CRIM1: variants seen among roughly 807,000 people sequenced by gnomAD.
CRIM1 encodes the protein cysteine-rich motor neuron 1 protein.
CRIM1 carries 32 observed loss-of-function variants against 116.4 expected under a neutral mutation model. The ratio of observed to expected loss-of-function variants is 0.27; its 90% CI spans 0.21 to 0.37. The LOEUF (loss-of-function observed/expected upper bound fraction) is 0.37. Ranked by LOEUF, CRIM1 falls within the 10% of genes least tolerant of loss-of-function variation. The probability of loss-of-function intolerance (pLI) is 1.00; values close to 1 mark genes in which losing one functional copy is unlikely to be tolerated. For missense variants in CRIM1, 1,331 were observed against 1,354.8 expected (o/e 0.98, Z 0.28); for synonymous variants, 590 against 509.2 (o/e 1.16, Z -2.13).
rs553653504 is a variant in CRIM1 at position 36,360,211 on chromosome 2, CCT to C, written c.331+3593_331+3594del. 3.9e-4 allele frequency among the ~76,000 whole-genome samples: 59 copies of C among 152,272 alleles called. 1 individual carries two copies. Among genetic ancestry groups the C allele is most frequent in the African/African-American group, 1.4e-3 (57 of 41,564 alleles). ...AGGCAAGGTGAGAGAGCATGACCAG[CCT>C]CTCTGGGCAGTTAAAGGGCAGATGG... On this transcript the variant is annotated intron_variant, in intron 1 of 16. Transcript: ENST00000280527.
chr2:36,427,920 T>C (rs848505), intron 2 of CRIM1, among the ~76,000 whole-genome samples: 39,624 of 152,188 alleles, frequency 0.26, 5,338 homozygotes, highest in Admixed American at 0.32. Context: ...ACCTGGCTGG[T>C]GGACAGCACT....
intron 2 of CRIM1, among the ~76,000 whole-genome samples, chr2:36,407,080 C>G (rs1427392407): frequency 6.6e-6 from 1 of 152,130 alleles, no homozygotes; most frequent in Non-Finnish European, 1.5e-5. Flanking sequence ...CTGATTTTTC[C>G]TTTAGCTTCC....
intron 4 of CRIM1, among the ~76,000 whole-genome samples, chr2:36,461,730 T>C (rs1677594899): frequency 6.6e-6 from 1 of 152,196 alleles, no homozygotes; most frequent in African/African-American, 2.4e-5. Context: ...GGGGTCCCCT[T>C]TTGTTACCTG....
Position 36,476,868 on chromosome 2 carries a change from GTTTGT to G in CRIM1, c.992-17_992-13del. Reference sequence around the variant, plus strand: ...TAAAAAATGACTACAAATATGCCTTGTTTGTTTTAACTCTTTTCAGATACAAAGCC... The same window carrying G: ...TAAAAAATGACTACAAATATGCCTTGTTTAACTCTTTTCAGATACAAAGCC... On this transcript the variant is annotated splice_polypyrimidine_tract_variant and intron_variant, in intron 5 of 16. Transcript: ENST00000280527. 1 of 1,587,778 alleles carries G rather than the reference GTTTGT, an allele frequency of 6.3e-7. No homozygotes were observed. Among genetic ancestry groups the G allele is most frequent in the Non-Finnish European group, 8.6e-7 (1 of 1,164,622 alleles).
chr2:36,430,934 A>G (rs1674839225), intron 2 of CRIM1, among the ~76,000 whole-genome samples: 1 of 152,246 alleles, frequency 6.6e-6, no homozygotes, highest in Non-Finnish European at 1.5e-5. Context: ...AACAGTCTCC[A>G]GGAGAAATTA....
chr2:36,527,364 T>C (rs1256050506), intron 13 of CRIM1, among the ~76,000 whole-genome samples: 2 of 149,408 alleles, frequency 1.3e-5, no homozygotes, highest in Non-Finnish European at 2.9e-5. Flanking sequence ...TTACAGGTTG[T>C]ATTAATACCT....
Position 36,550,278 on chromosome 2 carries a change from G to A in CRIM1, c.*1577G>A, listed in dbSNP as rs1281910470. ...CAAACAATGGTTTGAAACAACTACT[G>A]GAATATTGTCCACAATAAGCTGGAA... On this transcript the variant is annotated 3_prime_UTR_variant, in exon 17 of 17. Coordinates refer to ENST00000280527, the MANE Select transcript of CRIM1 (RefSeq NM_016441.3). 6.7e-6 allele frequency: 1 copy of A among 148,712 alleles called. No homozygotes were observed. Among genetic ancestry groups the A allele is most frequent in the Non-Finnish European group, 1.5e-5 (1 of 67,408 alleles). 9.2% of individuals were successfully genotyped at this position (148,712 alleles called of 1,614,324 possible). A position where few individuals can be genotyped will look rare whatever the true frequency, so the allele number is the denominator to read the frequency against.
chr2:36,386,423 G>A (rs1036729534), intron 1 of CRIM1, among the ~76,000 whole-genome samples: 5 of 152,090 alleles, frequency 3.3e-5, no homozygotes, highest in African/African-American at 7.2e-5. Context: ...TAAAACTTGC[G>A]CTAATATTAA....
chr2:36,437,781 G>T (rs910472654), intron 2 of CRIM1, among the ~76,000 whole-genome samples: 4 of 152,064 alleles, frequency 2.6e-5, no homozygotes, highest in Non-Finnish European at 5.9e-5. Flanking sequence ...CTTCAGGCTC[G>T]AACTGCAAAA....
intron 4 of CRIM1, among the ~76,000 whole-genome samples, chr2:36,462,803 C>T (rs1677684983): frequency 6.6e-6 from 1 of 152,106 alleles, no homozygotes; most frequent in Non-Finnish European, 1.5e-5. Flanking sequence ...TAAATGTAAA[C>T]AATATAATGT....
intron 2 of CRIM1, among the ~76,000 whole-genome samples, chr2:36,437,846 A>T (rs1468844122): frequency 1.3e-5 from 2 of 152,118 alleles, no homozygotes; most frequent in Non-Finnish European, 2.9e-5. Context: ...AAAGAGTGGG[A>T]TAACCAGCCG....
chr2:36,546,714 T>C (rs1667357906), intron 15 of CRIM1, among the ~76,000 whole-genome samples: 1 of 151,770 alleles, frequency 6.6e-6, no homozygotes, highest in Non-Finnish European at 1.5e-5. Flanking sequence ...ATTTCCTTGA[T>C]TAGCTAGAGC....
At chr2:36,396,827 T>C (rs776281118) in intron 2 of CRIM1, 40 bp downstream of exon 2, 3 of 1,517,640 alleles carry the variant, frequency 2.0e-6, no homozygotes, top group East Asian at 4.6e-5. Context: ...TCGTAAGCCT[T>C]AGCATTATGT....
intron 2 of CRIM1, among the ~76,000 whole-genome samples, chr2:36,427,838 C>T (rs1267552859): frequency 6.6e-6 from 1 of 152,218 alleles, no homozygotes; most frequent in African/African-American, 2.4e-5. Flanking sequence ...CCCTGGCTCC[C>T]ATTCCTAGCC....
intron 7 of CRIM1, among the ~76,000 whole-genome samples, chr2:36,484,229 T>C (rs368041063): frequency 6.6e-6 from 1 of 152,232 alleles, no homozygotes; most frequent in South Asian, 2.1e-4. Context: ...TAATGTACTG[T>C]TTTTAAGACG....
At chr2:36,439,668 C>G (rs1336727647) in intron 2 of CRIM1, among the ~76,000 whole-genome samples, 4 of 152,128 alleles carry the variant, frequency 2.6e-5, no homozygotes, top group East Asian at 3.9e-4. Flanking sequence ...CTCACTCCTT[C>G]AAGTCTTTGT....
rs1294344214 is a variant in CRIM1, at chr2:36,548,713, T to G, written c.*12T>G. The G allele has an allele frequency of 6.4e-7, 1 of 1,563,908 alleles. No individual in the cohort carries two copies. Among genetic ancestry groups the G allele is most frequent in the African/African-American group, 1.4e-5 (1 of 72,276 alleles). ...ACCAAACAGTGTGAAGAAAGGCAAC[T>G]AGGATGAGGTTTCAAAAGACGGAAG... On this transcript the variant is annotated 3_prime_UTR_variant, in exon 17 of 17. Coordinates refer to ENST00000280527, the MANE Select transcript of CRIM1 (RefSeq NM_016441.3).
chr2:36,446,255 T>C (rs552795763), intron 4 of CRIM1, among the ~76,000 whole-genome samples: 1 of 152,314 alleles, frequency 6.6e-6, no homozygotes, highest in East Asian at 1.9e-4. Flanking sequence ...TATGAGACTA[T>C]TTCACCCATT....
chr2:36,513,777 C>A lies in CRIM1; in HGVS notation c.1990+12C>A, dbSNP rs751246458. ...CCCATCATGTGCAGGTAAAAGCTGGCTGCCATCTGTGTGCTCCATAAGCAA... is the reference window on the plus strand; with the variant it reads ...CCCATCATGTGCAGGTAAAAGCTGGATGCCATCTGTGTGCTCCATAAGCAA... On this transcript the variant is annotated intron_variant, in intron 11 of 16. Coordinates refer to ENST00000280527, the MANE Select transcript of CRIM1 (RefSeq NM_016441.3). 1 of 1,611,812 alleles carries A rather than the reference C, an allele frequency of 6.2e-7. No homozygotes were observed. Among genetic ancestry groups the A allele is most frequent in the Non-Finnish European group, 8.5e-7 (1 of 1,178,478 alleles).
Sources: allele counts gnomAD v4.1 joint callset (sites outside exome capture counted in the v4.1 genomes callset), GRCh38; gene constraint gnomAD v4.1.1; transcripts MANE v1.5; gene names NCBI Gene and HGNC (gene_info 2026-07-23, HGNC 2026-07-21).